Variants in MLLT3 observed in about 807,000 individuals in gnomAD.
MLLT3 encodes MLLT3 super elongation complex subunit, also known as protein AF-9.
A neutral mutation model predicts 53.2 loss-of-function variants in MLLT3; 4 were observed. That is an observed-to-expected ratio of 0.08 (90% CI 0.04 to 0.17). The LOEUF (loss-of-function observed/expected upper bound fraction) is 0.17, where lower values mean the gene tolerates loss of function less well. MLLT3 is among the 10% of genes least tolerant of loss of function. The probability of loss-of-function intolerance (pLI) is 1.00; values close to 1 mark genes in which losing one functional copy is unlikely to be tolerated. For synonymous variants in MLLT3, 283 were observed against 230.6 expected, an observed-to-expected ratio of 1.23 and a Z score of -2.06; for missense variants, 569 against 684.0, an observed-to-expected ratio of 0.83 and a Z score of 1.87.
chr9:20,400,800 C>G (rs1195707687), intron 5 of MLLT3, among the ~76,000 whole-genome samples: 2 of 151,798 alleles, frequency 1.3e-5, no homozygotes, highest in African/African-American at 4.8e-5. Flanking sequence ...AGTTTTGAAA[C>G]TATGGAATGT....
At chr9:20,560,525 G>A (rs1407828031) in intron 2 of MLLT3, among the ~76,000 whole-genome samples, 1 of 152,124 alleles carries the variant, frequency 6.6e-6, no homozygotes, top group Non-Finnish European at 1.5e-5. Context: ...TAGATAAACA[G>A]CAAGGGAGTA....
chr9:20,500,800 C>T (rs12000230), intron 2 of MLLT3, among the ~76,000 whole-genome samples: 2 of 152,194 alleles, frequency 1.3e-5, no homozygotes, highest in Non-Finnish European at 2.9e-5. Flanking sequence ...AAGTTACTTA[C>T]CACAGGTCAT....
At position 20,488,370 on chromosome 9, in the gene MLLT3, T is replaced by C. The variant is rs566865928; in HGVS notation, c.194-31584A>G. Among the ~76,000 whole-genome samples, 26 of 152,242 alleles carry C rather than the reference T, an allele frequency of 1.7e-4. No homozygotes were observed. The East Asian group carries it at 4.8e-3, about 28-fold the overall frequency. The stretch of plus-strand genomic sequence containing the variant: ...GGTGAAAATGGCAAATCTAATGTTA[T>C]ATATTTTTACCACAATAAAAAAGAA... On this transcript the variant is annotated intron_variant, in intron 2 of 10. Coordinates refer to ENST00000380338, the MANE Select transcript of MLLT3 (RefSeq NM_004529.4).
intron 6 of MLLT3, 72 bp from the exon 7 acceptor site, chr9:20,363,677 G>T: frequency 4.7e-6 from 7 of 1,485,886 alleles, no homozygotes; most frequent in Non-Finnish European, 5.5e-6. Flanking sequence ...AGAAACAGGG[G>T]GATGCTTACC....
chr9:20,374,303 G>C (rs1003297936), intron 5 of MLLT3, among the ~76,000 whole-genome samples: 1 of 152,230 alleles, frequency 6.6e-6, no homozygotes, highest in African/African-American at 2.4e-5. Flanking sequence ...AGGATCCCCT[G>C]AGCCCAGGAG....
intron 2 of MLLT3, among the ~76,000 whole-genome samples, chr9:20,460,512 A>G (rs1824080356): frequency 6.6e-6 from 1 of 152,220 alleles, no homozygotes; most frequent in South Asian, 2.1e-4. Context: ...CTCTTTCAGA[A>G]CATCTCCCTT....
intron 2 of MLLT3, among the ~76,000 whole-genome samples, chr9:20,515,841 C>T (rs1390706572): frequency 6.6e-6 from 1 of 152,150 alleles, no homozygotes; most frequent in Non-Finnish European, 1.5e-5. Context: ...TTCCCCAAAG[C>T]TCAAGCACAG....
intron 4 of MLLT3, among the ~76,000 whole-genome samples, chr9:20,433,140 C>A (rs1823319091): frequency 6.6e-6 from 1 of 151,944 alleles, no homozygotes; most frequent in Non-Finnish European, 1.5e-5. Flanking sequence ...TGGAGAGACA[C>A]CCGTACAGGG....
rs193022822 is a variant in MLLT3, at chr9:20,523,915, G to A, written c.194-67129C>T. ...GAGTTCAGGAGGTGGAGGTTACAGTGAGCCAAGATCATGCCACTGCTCTCC... is the reference window on the plus strand; with the variant it reads ...GAGTTCAGGAGGTGGAGGTTACAGTAAGCCAAGATCATGCCACTGCTCTCC... On this transcript the variant is annotated intron_variant, in intron 2 of 10. Coordinates refer to ENST00000380338, the MANE Select transcript of MLLT3 (RefSeq NM_004529.4). 3.0e-4 allele frequency among the ~76,000 whole-genome samples: 46 copies of A among 151,512 alleles called. 1 individual carries two copies. The highest frequency in any genetic ancestry group is 3.4e-3 in the Middle Eastern group (1 of 294).
intron 5 of MLLT3, among the ~76,000 whole-genome samples, chr9:20,380,898 T>C (rs1317602674): frequency 6.6e-6 from 1 of 151,928 alleles, no homozygotes; most frequent in African/African-American, 2.4e-5. Flanking sequence ...AAGCCAGAAA[T>C]ACTGATGTTA....
intron 2 of MLLT3, among the ~76,000 whole-genome samples, chr9:20,588,301 C>T (rs1414903114): frequency 6.7e-6 from 1 of 149,468 alleles, no homozygotes; most frequent in Non-Finnish European, 1.5e-5. Flanking sequence ...GTTCTTTTGG[C>T]TTAGGATTGA....
At chr9:20,456,159 G>C (rs1485295980) in intron 3 of MLLT3, among the ~76,000 whole-genome samples, 1 of 151,850 alleles carries the variant, frequency 6.6e-6, no homozygotes, top group African/African-American at 2.4e-5. Context: ...GGCTGGTCTC[G>C]AACTCCTGAC....
chr9:20,405,061 T>C (rs1039542890), intron 5 of MLLT3, among the ~76,000 whole-genome samples: 1 of 152,218 alleles, frequency 6.6e-6, no homozygotes, highest in African/African-American at 2.4e-5. Context: ...TACAATAGGT[T>C]GGAGCCCTCG....
At chr9:20,500,156 T>C (rs917449420) in intron 2 of MLLT3, among the ~76,000 whole-genome samples, 1 of 152,226 alleles carries the variant, frequency 6.6e-6, no homozygotes, top group African/African-American at 2.4e-5. Flanking sequence ...TGGTTCTAGC[T>C]CAGAGTTTCT....
At chr9:20,537,109 T>C (rs569459866) in intron 2 of MLLT3, among the ~76,000 whole-genome samples, 124 of 152,364 alleles carry the variant, frequency 8.1e-4, no homozygotes, top group African/African-American at 2.9e-3. Flanking sequence ...ATATGAGCTG[T>C]TTCAACATAT....
intron 2 of MLLT3, among the ~76,000 whole-genome samples, chr9:20,582,653 T>C (rs985237167): frequency 1.3e-5 from 2 of 152,232 alleles, no homozygotes; most frequent in Admixed American, 1.3e-4. Context: ...CTCAGAATCA[T>C]GATAGGAGGT....
chr9:20,458,916 T>C lies in MLLT3; in HGVS notation c.194-2130A>G, dbSNP rs144022223. ...AAACACCCAATTGCCATGTAGCCTT[T>C]TGGATGAAAATAAACAGGATGCAGC... On this transcript the variant is annotated intron_variant, in intron 2 of 10. Transcript: ENST00000380338. 1.0e-3 allele frequency among the ~76,000 whole-genome samples: 156 copies of C among 152,222 alleles called. 1 individual carries two copies. Among genetic ancestry groups the C allele is most frequent in the African/African-American group, 3.4e-3 (141 of 41,538 alleles).
intron 4 of MLLT3, among the ~76,000 whole-genome samples, chr9:20,425,546 TA>T (rs1823120751): frequency 6.6e-6 from 1 of 152,124 alleles, no homozygotes; most frequent in Non-Finnish European, 1.5e-5. Context: ...AATAAAAAGA[TA>T]AATGATTCAA....
rs144317338 is a variant in MLLT3 at position 20,584,132 on chromosome 9, C to T, written c.193+36522G>A. Among the ~76,000 whole-genome samples, 3 of 152,328 alleles carry T rather than the reference C, an allele frequency of 2.0e-5. No individual in the cohort carries two copies. In the East Asian group the frequency reaches 5.8e-4, roughly 29 times the overall value. ...CATCTCTCTCAAGTTCAAGGTTCCACAAATCTCTAAGGCAGGGCAAAACGC... is the reference window on the plus strand; with the variant it reads ...CATCTCTCTCAAGTTCAAGGTTCCATAAATCTCTAAGGCAGGGCAAAACGC... On this transcript the variant is annotated intron_variant, in intron 2 of 10. Transcript: ENST00000380338.
Sources: allele counts gnomAD v4.1 joint callset (sites outside exome capture counted in the v4.1 genomes callset), GRCh38; gene constraint gnomAD v4.1.1; transcripts MANE v1.5; gene names NCBI Gene and HGNC (gene_info 2026-07-23, HGNC 2026-07-21).